Variants in AFMID observed in about 807,000 individuals in gnomAD.
AFMID encodes the protein kynurenine formamidase.
AFMID carries 39 observed loss-of-function variants against 47.5 expected under a neutral mutation model. The observed-to-expected ratio is 0.82, with a 90% CI of 0.64 to 1.07. The LOEUF is 1.07. Among genes scored for constraint, AFMID ranks in the 50% least tolerant of loss-of-function variants. The probability of loss-of-function intolerance (pLI) is 0.00; values close to 1 mark genes in which losing one functional copy is unlikely to be tolerated. For missense variants in AFMID, 375 were observed against 387.5 expected (o/e 0.97, Z 0.27); for synonymous variants, 130 against 153.2 (o/e 0.85, Z 1.12).
At chr17:78,195,231 G>C (rs1175339105) in intron 2 of AFMID, among the ~76,000 whole-genome samples, 7 of 151,108 alleles carry the variant, frequency 4.6e-5, no homozygotes, top group Non-Finnish European at 8.8e-5. Flanking sequence ...GTCTCACTCT[G>C]TTGCCCAGGC....
At chr17:78,192,310 CTTTTT>C in intron 2 of AFMID, among the ~76,000 whole-genome samples, 1 of 77,738 alleles carries the variant, frequency 1.3e-5, no homozygotes, top group East Asian at 3.8e-4. Context: ...CATGGCTGGA[CTTTTT>C]TTTTTTTTTT....
intron 2 of AFMID, chr17:78,197,138 A>G: frequency 6.5e-7 from 1 of 1,549,888 alleles, no homozygotes; most frequent in Non-Finnish European, 8.7e-7. Flanking sequence ...AATCTAGTCC[A>G]TTTATAGGCT....
chr17:78,198,234 TAA>T (rs1382524981), intron 2 of AFMID, among the ~76,000 whole-genome samples: 4 of 150,944 alleles, frequency 2.6e-5, no homozygotes, highest in African/African-American at 9.7e-5. Context: ...GTCTCAAAAA[TAA>T]AAAGTGAATT....
Position 78,207,273 on chromosome 17 carries a change from CTTTTTTTTTTTTTTTT to C in AFMID, c.*349_*364del, listed in dbSNP as rs1163959276. The C allele has an allele frequency of 3.5e-5, 3 of 85,386 alleles. No homozygotes were observed. Among genetic ancestry groups the C allele is most frequent in the Admixed American group, 2.3e-4 (1 of 4,284 alleles). The allele number at this position is 85,386 out of a possible 1,614,324, so 5.3% of individuals were successfully genotyped here. ...ACGCTCAAAAGTAATGCCATTACTT[CTTTTTTTTTTTTTTTT>C]TTTTTTTTTTTTGAGATGGAGTCTT... On this transcript the variant is annotated 3_prime_UTR_variant, in exon 11 of 11. Transcript: ENST00000409257.
chr17:78,187,384 CTGGTGTGGGTTTCCCAA>C lies in AFMID; in HGVS notation c.15_31del (p.Gly6GlnfsTer40), dbSNP rs775051254. 5 of 1,613,812 alleles carry C rather than the reference CTGGTGTGGGTTTCCCAA, an allele frequency of 3.1e-6. No individual in the cohort carries two copies. In the African/African-American group the frequency reaches 5.3e-5, roughly 17 times the overall value. ...GCTGTAGACGCCATGATGGATGTGT[CTGGTGTGGGTTTCCCAA>C]GCAAGGTTCCTTGGAAGAAGATGTC... On this transcript the variant is annotated frameshift_variant, in exon 1 of 11. Coordinates refer to ENST00000409257, the MANE Select transcript of AFMID (RefSeq NM_001010982.5). LOFTEE classifies it high-confidence loss of function.
chr17:78,195,986 C>T (rs1430878579), intron 2 of AFMID, among the ~76,000 whole-genome samples: 1 of 152,212 alleles, frequency 6.6e-6, no homozygotes, highest in Non-Finnish European at 1.5e-5. Context: ...GCTGGTACTA[C>T]AGGCGCCCAC....
At chr17:78,193,370 C>CAAAAAAA (rs199993168) in intron 2 of AFMID, among the ~76,000 whole-genome samples, 2 of 68,952 alleles carry the variant, frequency 2.9e-5, no homozygotes, top group African/African-American at 4.7e-5. Context: ...GACTCTGTCT[C>CAAAAAAA]AAAAAAAAAA....
rs1438733638 is a variant in AFMID, at chr17:78,200,479, GTGTTATTAGC to G, written c.155-2018_155-2009del. ...TTATTTGGAAAGACCATCTTTGTAGGTGTTATTAGCTAAAGTCAAGTCATTCTGGGTTAGG... is the reference window on the plus strand; with the variant it reads ...TTATTTGGAAAGACCATCTTTGTAGGTAAAGTCAAGTCATTCTGGGTTAGG... On this transcript the variant is annotated intron_variant, in intron 2 of 10. Transcript: ENST00000409257. Among the ~76,000 whole-genome samples, 4 of 152,192 alleles carry G rather than the reference GTGTTATTAGC, an allele frequency of 2.6e-5. No homozygotes were observed. In the South Asian group the frequency reaches 8.3e-4, roughly 32 times the overall value.
chr17:78,197,323 A>G (rs533406708), intron 2 of AFMID: 2 of 989,508 alleles, frequency 2.0e-6, no homozygotes, highest in Non-Finnish European at 3.0e-6. Context: ...CCAGAATTCT[A>G]CCCCTGAGAG....
rs1299339890 is a variant in AFMID, at chr17:78,191,203, C to G, written c.154+143C>G. 1.6e-5 allele frequency: 11 copies of G among 707,982 alleles called. No individual in the cohort carries two copies. The South Asian group carries it at 1.9e-4, about 12-fold the overall frequency. The allele number at this position is 707,982 out of a possible 1,614,324, so 43.9% of individuals were successfully genotyped here. On this transcript the variant is annotated intron_variant, in intron 2 of 10. Coordinates refer to ENST00000409257, the MANE Select transcript of AFMID (RefSeq NM_001010982.5). ...CAAACACCAGGCACTTTATAAACCT[C>G]CCTGCTCAGGGGCAGGTGCCCAGGA...
intron 2 of AFMID, among the ~76,000 whole-genome samples, chr17:78,200,721 C>G (rs986161881): frequency 2.0e-5 from 3 of 152,174 alleles, no homozygotes; most frequent in Non-Finnish European, 1.5e-5. Flanking sequence ...AGTGTCCACA[C>G]CTTAATTTCA....
intron 2 of AFMID, among the ~76,000 whole-genome samples, chr17:78,196,427 C>T (rs566477818): frequency 6.6e-6 from 1 of 152,182 alleles, no homozygotes; most frequent in East Asian, 1.9e-4. Flanking sequence ...CCTGTAATCC[C>T]AGCACTTTGG....
rs749308387 is a variant in AFMID at position 78,191,070 on chromosome 17, T to C, written c.154+10T>C. 2 of 1,612,538 alleles carry C rather than the reference T, an allele frequency of 1.2e-6. No homozygotes were observed. Among genetic ancestry groups the C allele is most frequent in the East Asian group, 2.2e-5 (1 of 44,846 alleles). On this transcript the variant is annotated intron_variant, in intron 2 of 10. Coordinates refer to ENST00000409257, the MANE Select transcript of AFMID (RefSeq NM_001010982.5). The stretch of plus-strand genomic sequence containing the variant: ...CAGATAGGAATTGAAGGTACTAGTG[T>C]GACCTCTCCGTGGCCGCATTGGGTG...
intron 1 of AFMID, among the ~76,000 whole-genome samples, chr17:78,188,320 T>C (rs192090569): frequency 2.8e-4 from 42 of 152,342 alleles, no homozygotes; most frequent in Non-Finnish European, 5.3e-4. Flanking sequence ...CAAGGACCTC[T>C]GACAAAGAGC....
chr17:78,199,664 C>T (rs994621383), intron 2 of AFMID, among the ~76,000 whole-genome samples: 11 of 126,556 alleles, frequency 8.7e-5, no homozygotes, highest in South Asian at 5.1e-4. Context: ...TGCGCCGCCG[C>T]GCCCGGCCAG....
At chr17:78,198,542 A>T (rs2076167452) in intron 2 of AFMID, among the ~76,000 whole-genome samples, 1 of 151,266 alleles carries the variant, frequency 6.6e-6, no homozygotes, top group African/African-American at 2.4e-5. Flanking sequence ...CAGGAAGCAG[A>T]GGTTGCAGAT....
intron 5 of AFMID, 21 bp downstream of exon 5, chr17:78,204,762 A>T: frequency 6.2e-7 from 1 of 1,614,178 alleles, no homozygotes; most frequent in Non-Finnish European, 8.5e-7. Context: ...TGGTTGCTGC[A>T]GGTCCGAGGG....
chr17:78,199,663 G>C (rs2009106), intron 2 of AFMID, among the ~76,000 whole-genome samples: 52,408 of 150,638 alleles, frequency 0.35, 10,008 homozygotes, highest in East Asian at 0.63. Context: ...GTGCGCCGCC[G>C]CGCCCGGCCA....
At chr17:78,197,844 G>A (rs1037297216) in intron 2 of AFMID, among the ~76,000 whole-genome samples, 4 of 152,046 alleles carry the variant, frequency 2.6e-5, no homozygotes, top group African/African-American at 9.7e-5. Flanking sequence ...AAGAGAGGGG[G>A]CCGGTGGCGC....
Sources: allele counts gnomAD v4.1 joint callset (sites outside exome capture counted in the v4.1 genomes callset), GRCh38; gene constraint gnomAD v4.1.1; transcripts MANE v1.5; gene names NCBI Gene and HGNC (gene_info 2026-07-23, HGNC 2026-07-21).